MBTPS1: variants seen among roughly 807,000 people sequenced by gnomAD.
MBTPS1 encodes the protein membrane-bound transcription factor site-1 protease.
Under a neutral mutation model 127.8 loss-of-function variants are expected in MBTPS1, and 94 were observed. That is an observed-to-expected ratio of 0.74 (90% confidence interval 0.62 to 0.87). The LOEUF is 0.87. Ranked by LOEUF, MBTPS1 falls within the 40% of genes least tolerant of loss-of-function variation. MBTPS1 has a pLI of 0.00. For synonymous variants in MBTPS1, 632 were observed against 509.4 expected, an observed-to-expected ratio of 1.24 and a Z score of -3.24; for missense variants, 1,636 against 1,353.2, an observed-to-expected ratio of 1.21 and a Z score of -3.28.
rs778694727 is a variant in MBTPS1, at chr16:84,067,627, C to A, written c.2228+40G>T. 4 of 1,072,000 alleles carry A rather than the reference C, an allele frequency of 3.7e-6. No homozygotes were observed. The Admixed American group carries it at 6.7e-5, about 18-fold the overall frequency. 66.4% of individuals were successfully genotyped at this position (1,072,000 alleles called of 1,614,324 possible). A position where few individuals can be genotyped will look rare whatever the true frequency, so the allele number is the denominator to read the frequency against. On this transcript the variant is annotated intron_variant, in intron 16 of 22. Coordinates refer to ENST00000343411, the MANE Select transcript of MBTPS1 (RefSeq NM_003791.4). ...TATTTGCTGGGTAGAATTTGATTCC[C>A]CAAAAGTCTTATCCAAATACCAATG...
chr16:84,109,559 G>A (rs1174686883), intron 1 of MBTPS1: 4 of 152,204 alleles, frequency 2.6e-5, no homozygotes, highest in Non-Finnish European at 5.9e-5. Context: ...TCACTTCTGG[G>A]AGGTTCCTGA....
At position 84,066,619 on chromosome 16, in the gene MBTPS1, A is replaced by T; in HGVS notation, c.2229-6T>A. On this transcript the variant is annotated splice_polypyrimidine_tract_variant and splice_region_variant and intron_variant, in intron 16 of 22. Coordinates refer to ENST00000343411, the MANE Select transcript of MBTPS1 (RefSeq NM_003791.4). ...TATCCGGCATCCACCACTGCCTGGG[A>T]AAGTGGTAACAGACACACAGGGAAC... 2 of 1,613,820 alleles carry T rather than the reference A, an allele frequency of 1.2e-6. No homozygotes were observed. Among genetic ancestry groups the T allele is most frequent in the Non-Finnish European group, 1.7e-6 (2 of 1,179,814 alleles).
At chr16:84,101,572 T>A (rs779596666) in intron 2 of MBTPS1, 49 bp downstream of exon 2, 1 of 1,494,632 alleles carries the variant, frequency 6.7e-7, no homozygotes. Context: ...TTAAGTAAGC[T>A]TTAAAAAAAT....
chr16:84,112,286 G>C (rs550723935), intron 1 of MBTPS1, among the ~76,000 whole-genome samples: 1 of 152,314 alleles, frequency 6.6e-6, no homozygotes, highest in African/African-American at 2.4e-5. Context: ...TATGATTACA[G>C]ATAGTTAATT....
Position 84,091,670 on chromosome 16 carries a change from A to T in MBTPS1, c.963+62T>A, listed in dbSNP as rs1275321009. ...CCACCAACACACTAGATATGATGCA[A>T]AGTTGGGCTGCGAAAGAGCAGGAGC... On this transcript the variant is annotated intron_variant, in intron 7 of 22. Coordinates refer to ENST00000343411, the MANE Select transcript of MBTPS1 (RefSeq NM_003791.4). The T allele has an allele frequency of 6.2e-6, 7 of 1,122,986 alleles. No homozygotes were observed. The African/African-American group carries it at 1.1e-4, about 17-fold the overall frequency. The allele number at this position is 1,122,986 out of a possible 1,614,324, so 69.6% of individuals were successfully genotyped here.
chr16:84,078,580 C>G (rs1482921368), intron 11 of MBTPS1, among the ~76,000 whole-genome samples: 1 of 152,210 alleles, frequency 6.6e-6, no homozygotes, highest in Non-Finnish European at 1.5e-5. Context: ...ACACCTCCAA[C>G]AAAACTAAGA....
intron 4 of MBTPS1, among the ~76,000 whole-genome samples, chr16:84,095,142 G>A (rs1410729386): frequency 6.6e-6 from 1 of 152,194 alleles, no homozygotes; most frequent in African/African-American, 2.4e-5. Flanking sequence ...TAGTCACTCT[G>A]CATTCAGGAC....
rs1597296734 is a variant in MBTPS1, at chr16:84,056,108, G to A, written c.2859C>T (p.Leu953=). Residue 953 remains leucine (L), a synonymous_variant, in exon 22 of 23, where the codon CTC becomes CTT. Coordinates refer to ENST00000343411, the MANE Select transcript of MBTPS1 (RefSeq NM_003791.4). ...ACACCACCTTGTCCAGGTCAATGGA[G>A]AGTAGCTTCTGATGTTTCCAAAGGT... ...PSNLWKHQKL[L]SIDLDKVVLP... 6.2e-7 allele frequency: 1 copy of A among 1,614,060 alleles called. No homozygotes were observed. The highest frequency in any genetic ancestry group is 8.5e-7 in the Non-Finnish European group (1 of 1,179,884).
rs1182522715 is a variant in MBTPS1 at position 84,055,085 on chromosome 16, G to A, written c.2963-440C>T. Among the ~76,000 whole-genome samples the A allele has an allele frequency of 5.3e-5, 8 of 152,334 alleles. No individual in the cohort carries two copies. The Middle Eastern group carries it at 0.014, about 259-fold the overall frequency. The stretch of plus-strand genomic sequence containing the variant: ...AAGGGGGCGTGGCGGAAGAAGCACC[G>A]CTGGCAGTGCCCCGCCTCTGGGAAA... On this transcript the variant is annotated intron_variant, in intron 22 of 22. Transcript: ENST00000343411.
Position 84,054,528 on chromosome 16 carries a change from C to A in MBTPS1, c.3080G>T (p.Arg1027Met). 6.2e-7 allele frequency: 1 copy of A among 1,613,970 alleles called. No individual in the cohort carries two copies. The highest frequency in any genetic ancestry group is 8.5e-7 in the Non-Finnish European group (1 of 1,179,902). ...CACCCTGGGCTTCCTCCGCTTCGGC[C>A]TGCTCTTGGCCTTGTTGATTTGTAC... Reference protein sequence around the residue: ...FVVQINKAKSRPKRRKPRVKR... With the variant: ...FVVQINKAKSMPKRRKPRVKR... Residue 1027 changes from arginine (R) to methionine (M), a missense_variant, in exon 23 of 23, where the codon AGG becomes ATG. Transcript: ENST00000343411.
chr16:84,097,872 T>TTTGTG (rs2086199682), intron 3 of MBTPS1, among the ~76,000 whole-genome samples: 1 of 92,276 alleles, frequency 1.1e-5, no homozygotes, highest in Non-Finnish European at 2.4e-5. Flanking sequence ...GTGTGTGTGT[T>TTTGTG]TGTGTGTGTG....
At chr16:84,098,481 A>AACAGAAACAAAGATCAC (rs2086209205) in intron 3 of MBTPS1, among the ~76,000 whole-genome samples, 1 of 152,102 alleles carries the variant, frequency 6.6e-6, no homozygotes, top group Non-Finnish European at 1.5e-5. Flanking sequence ...ATGGTGGCGC[A>AACAGAAACAAAGATCAC]TGCCTGTAAT....
At chr16:84,062,561 C>A (rs1195543452) in intron 19 of MBTPS1, among the ~76,000 whole-genome samples, 1 of 152,258 alleles carries the variant, frequency 6.6e-6, no homozygotes, top group Non-Finnish European at 1.5e-5. Context: ...TCACTCACCA[C>A]CCGCCCTGTG....
At chr16:84,072,110 C>A (rs948247371) in intron 12 of MBTPS1, 1 of 152,240 alleles carries the variant, frequency 6.6e-6, no homozygotes, top group Non-Finnish European at 1.5e-5. Context: ...ATGTGGCCGA[C>A]CCGCCCAGTG....
chr16:84,107,042 C>T lies in MBTPS1; in HGVS notation c.-324-4935G>A, dbSNP rs375940633. Among the ~76,000 whole-genome samples, 24 of 152,268 alleles carry T rather than the reference C, an allele frequency of 1.6e-4. 1 individual carries two copies. The highest frequency in any genetic ancestry group is 7.7e-4 in the East Asian group (4 of 5,182). On this transcript the variant is annotated intron_variant, in intron 1 of 22. Transcript: ENST00000343411. ...GCTGAGCTCTGAGCATGTTCAATTT[C>T]GGATGAGCCTCAGGGTCAAGGGCAC... is the stretch of plus-strand genomic sequence containing the variant.
Position 84,101,900 on chromosome 16 carries a change from T to C in MBTPS1, c.-117A>G. On this transcript the variant is annotated 5_prime_UTR_variant, in exon 2 of 23. It removes the in-frame stop codon of an upstream open reading frame in the 5' UTR. Coordinates refer to ENST00000343411, the MANE Select transcript of MBTPS1 (RefSeq NM_003791.4). ...CTGCAACATTACTAATCAGCCATCT[T>C]ACAGTCTTGCCCAACATAAATAAAA... 1 of 922,298 alleles carries C rather than the reference T, an allele frequency of 1.1e-6. No homozygotes were observed. Among genetic ancestry groups the C allele is most frequent in the Non-Finnish European group, 1.7e-6 (1 of 592,982 alleles). The allele number at this position is 922,298 out of a possible 1,614,324, so 57.1% of individuals were successfully genotyped here.
At chr16:84,088,222 T>C (rs1028710590) in intron 8 of MBTPS1, among the ~76,000 whole-genome samples, 4 of 152,086 alleles carry the variant, frequency 2.6e-5, no homozygotes, top group African/African-American at 9.7e-5. Flanking sequence ...AAAAATGAAC[T>C]CTTTGACAAA....
intron 11 of MBTPS1, among the ~76,000 whole-genome samples, chr16:84,081,077 G>T (rs543303996): frequency 6.6e-6 from 1 of 152,202 alleles, no homozygotes; most frequent in African/African-American, 2.4e-5. Flanking sequence ...CGGAATCTGC[G>T]TGAAGCCTGC....
intron 1 of MBTPS1, among the ~76,000 whole-genome samples, chr16:84,106,761 T>C (rs562240919): frequency 6.6e-6 from 1 of 152,264 alleles, no homozygotes; most frequent in South Asian, 2.1e-4. Flanking sequence ...AGGGAGCATC[T>C]GGAGGACTTC....
Sources: allele counts gnomAD v4.1 joint callset (sites outside exome capture counted in the v4.1 genomes callset), GRCh38; gene constraint gnomAD v4.1.1; transcripts MANE v1.5; gene names NCBI Gene and HGNC (gene_info 2026-07-23, HGNC 2026-07-21).